The following ZBTB7C variants were observed in gnomAD, a reference collection of about 807,000 sequenced individuals.
ZBTB7C encodes the protein zinc finger and BTB domain containing 7C.
A neutral mutation model predicts 25.7 loss-of-function variants in ZBTB7C; 8 were observed. The observed-to-expected ratio is 0.31, with a 90% confidence interval of 0.18 to 0.56. ZBTB7C has a LOEUF of 0.56. Among genes scored for constraint, ZBTB7C ranks in the 20% least tolerant of loss-of-function variants. The pLI is 0.91. For synonymous variants in ZBTB7C, 394 were observed against 369.0 expected, an observed-to-expected ratio of 1.07 and a Z score of -0.78; for missense variants, 824 against 855.2, an observed-to-expected ratio of 0.96 and a Z score of 0.46.
At chr18:48,182,665 G>T (rs920882285) in intron 3 of ZBTB7C, among the ~76,000 whole-genome samples, 15 of 152,096 alleles carry the variant, frequency 9.9e-5, no homozygotes, top group Non-Finnish European at 2.1e-4. Context: ...ATTCCATCTT[G>T]GACCAGATCC....
chr18:48,115,570 C>T (rs973425409), intron 3 of ZBTB7C, among the ~76,000 whole-genome samples: 3 of 151,876 alleles, frequency 2.0e-5, no homozygotes, highest in African/African-American at 7.2e-5. Flanking sequence ...CACACACAAA[C>T]ACACACACAC....
At chr18:48,358,028 G>A (rs1302354709) in intron 1 of ZBTB7C, among the ~76,000 whole-genome samples, 2 of 152,176 alleles carry the variant, frequency 1.3e-5, no homozygotes, top group African/African-American at 4.8e-5. Context: ...TTATTGCTCT[G>A]AGTTCATGTG....
chr18:48,308,244 C>T (rs1170936349), intron 2 of ZBTB7C, among the ~76,000 whole-genome samples: 5 of 152,314 alleles, frequency 3.3e-5, no homozygotes, highest in Admixed American at 2.0e-4. Flanking sequence ...CCACTCCCTG[C>T]CCCCAGATTC....
chr18:48,162,003 A>C (rs2041071058), intron 3 of ZBTB7C, among the ~76,000 whole-genome samples: 1 of 151,688 alleles, frequency 6.6e-6, no homozygotes, highest in Admixed American at 6.6e-5. Context: ...ACCGCCTGAG[A>C]GGCCGGCGCC....
At chr18:48,186,672 T>C (rs1484437682) in intron 2 of ZBTB7C, among the ~76,000 whole-genome samples, 1 of 152,148 alleles carries the variant, frequency 6.6e-6, no homozygotes, top group East Asian at 1.9e-4. Flanking sequence ...TGTAAAGTGT[T>C]GCAATGTGAG....
intron 2 of ZBTB7C, among the ~76,000 whole-genome samples, chr18:48,302,574 G>GAA (rs1568363512): frequency 6.6e-6 from 1 of 152,142 alleles, no homozygotes; most frequent in Non-Finnish European, 1.5e-5. Flanking sequence ...TTTTCTCATT[G>GAA]CACAGCATGT....
At chr18:48,323,456 A>C (rs1180920707) in intron 2 of ZBTB7C, among the ~76,000 whole-genome samples, 1 of 152,224 alleles carries the variant, frequency 6.6e-6, no homozygotes, top group Non-Finnish European at 1.5e-5. Flanking sequence ...GCACACAACA[A>C]GACAAAGCAG....
intron 3 of ZBTB7C, among the ~76,000 whole-genome samples, chr18:48,058,151 C>T (rs2036989822): frequency 6.6e-6 from 1 of 152,244 alleles, no homozygotes; most frequent in Non-Finnish European, 1.5e-5. Flanking sequence ...TAATGAAAAT[C>T]TTACTGCTTT....
intron 2 of ZBTB7C, among the ~76,000 whole-genome samples, chr18:48,228,321 G>T (rs963411617): frequency 2.6e-5 from 4 of 152,186 alleles, no homozygotes; most frequent in South Asian, 2.1e-4. Context: ...GACCACAGAT[G>T]ATTTTGTTAA....
At chr18:48,089,970 G>C (rs188988381) in intron 3 of ZBTB7C, among the ~76,000 whole-genome samples, 17 of 152,338 alleles carry the variant, frequency 1.1e-4, no homozygotes, top group Non-Finnish European at 2.2e-4. Context: ...ATAGTTCTGG[G>C]ATTCAGAACT....
chr18:48,402,484 CT>C (rs1328378425), intron 1 of ZBTB7C, among the ~76,000 whole-genome samples: 1 of 152,160 alleles, frequency 6.6e-6, no homozygotes, highest in African/African-American at 2.4e-5. Flanking sequence ...AGGCATGTTT[CT>C]AAGCACATTC....
At chr18:48,162,145 G>GGC (rs2041080220) in intron 3 of ZBTB7C, among the ~76,000 whole-genome samples, 2 of 152,222 alleles carry the variant, frequency 1.3e-5, no homozygotes, top group African/African-American at 4.8e-5. Flanking sequence ...AGACCCGGCT[G>GGC]TAGTTATCAG....
chr18:48,155,302 C>T (rs1396406569), intron 3 of ZBTB7C, among the ~76,000 whole-genome samples: 1 of 148,812 alleles, frequency 6.7e-6, no homozygotes, highest in East Asian at 2.0e-4. Flanking sequence ...TGAGGATTCC[C>T]TGTAACTGTA....
At position 48,209,888 on chromosome 18, in the gene ZBTB7C, C is replaced by T. The variant is rs2042664084; in HGVS notation, c.-78-23893G>A. ...CATCAATAAAGTGAAAAGCAACCCA[C>T]ACTTGGTAGAAAATATTTGAAAATC... On this transcript the variant is annotated intron_variant, in intron 2 of 4. Coordinates refer to ENST00000590800, the MANE Select transcript of ZBTB7C (RefSeq NM_001318841.2). Among the ~76,000 whole-genome samples the T allele has an allele frequency of 2.6e-5, 4 of 152,120 alleles. No individual in the cohort carries two copies. In the South Asian group the frequency reaches 8.3e-4, roughly 31 times the overall value.
At chr18:48,310,835 C>G (rs1338571037) in intron 2 of ZBTB7C, among the ~76,000 whole-genome samples, 1 of 152,206 alleles carries the variant, frequency 6.6e-6, no homozygotes, top group Non-Finnish European at 1.5e-5. Context: ...GTGGGGTGAC[C>G]TATCAACCCA....
intron 1 of ZBTB7C, among the ~76,000 whole-genome samples, chr18:48,382,378 A>G (rs967033194): frequency 6.6e-6 from 1 of 152,238 alleles, no homozygotes; most frequent in Admixed American, 6.5e-5. Flanking sequence ...GGCCAAGCCA[A>G]TATCGCTAAA....
chr18:48,161,679 G>T (rs934004814), intron 3 of ZBTB7C, among the ~76,000 whole-genome samples: 11 of 142,888 alleles, frequency 7.7e-5, no homozygotes, highest in African/African-American at 2.9e-4. Context: ...TTCCTGCAGC[G>T]TTCACTCGGC....
chr18:48,061,428 C>T (rs998256047), intron 3 of ZBTB7C, among the ~76,000 whole-genome samples: 1 of 152,160 alleles, frequency 6.6e-6, no homozygotes, highest in Non-Finnish European at 1.5e-5. Flanking sequence ...CTCCTTTACC[C>T]TTGAGTCCCT....
At chr18:48,071,479 G>A (rs571031636) in intron 3 of ZBTB7C, among the ~76,000 whole-genome samples, 14 of 152,178 alleles carry the variant, frequency 9.2e-5, no homozygotes, top group Non-Finnish European at 1.3e-4. Flanking sequence ...TACTGTCAAA[G>A]AAACTAAATA....
Sources: gnomAD v4.1 joint callset for allele counts (sites outside exome capture counted in the v4.1 genomes callset) on GRCh38, gnomAD v4.1.1 for gene constraint, MANE v1.5 for transcripts, NCBI Gene and HGNC (gene_info 2026-07-23, HGNC 2026-07-21) for gene names.